Variants in GLIS3 observed in about 807,000 individuals in gnomAD.
GLIS3 encodes the protein GLIS family zinc finger 3, also known as zinc finger protein GLIS3.
Under a neutral mutation model 78.6 loss-of-function variants are expected in GLIS3, and 53 were observed. The observed-to-expected ratio is 0.67, with a 90% confidence interval of 0.54 to 0.85. The LOEUF (loss-of-function observed/expected upper bound fraction) is 0.85, where lower values mean the gene tolerates loss of function less well. Among genes scored for constraint, GLIS3 ranks in the 40% least tolerant of loss-of-function variants. The pLI is 0.00. For synonymous variants in GLIS3, 684 were observed against 509.9 expected (o/e 1.34, Z -4.60); for missense variants, 1,703 against 1,231.1 (o/e 1.38, Z -5.74).
intron 2 of GLIS3, among the ~76,000 whole-genome samples, chr9:4,233,390 T>C (rs10974400): frequency 0.17 from 25,782 of 152,216 alleles, 2,678 homozygotes; most frequent in African/African-American, 0.29. Flanking sequence ...AGGGATGTTG[T>C]GTTACCAATC....
chr9:3,963,130 T>C (rs547971550), intron 4 of GLIS3, among the ~76,000 whole-genome samples: 1 of 152,306 alleles, frequency 6.6e-6, no homozygotes, highest in Admixed American at 6.5e-5. Context: ...GACTGCATGT[T>C]GCCAAGTGCC....
At chr9:4,153,096 A>C (rs760790705) in intron 2 of GLIS3, among the ~76,000 whole-genome samples, 2 of 152,174 alleles carry the variant, frequency 1.3e-5, no homozygotes, top group Non-Finnish European at 2.9e-5. Context: ...TCGTGGTGAC[A>C]ACCAAAATTA....
At chr9:4,470,678 C>T in the GLIS3 span, among the ~76,000 whole-genome samples, 1 of 151,932 alleles carries the variant, frequency 6.6e-6, no homozygotes, top group Non-Finnish European at 1.5e-5. Flanking sequence ...GAAGCATTCC[C>T]TTTGAAAACT....
chr9:4,125,386 A>T (rs1338035687), intron 3 of GLIS3, among the ~76,000 whole-genome samples: 1 of 152,208 alleles, frequency 6.6e-6, no homozygotes, highest in African/African-American at 2.4e-5. Flanking sequence ...ATAGGTGTAC[A>T]TGGACCATGC....
chr9:4,291,663 C>G (rs180738440), intron 1 of GLIS3, among the ~76,000 whole-genome samples: 1 of 152,188 alleles, frequency 6.6e-6, no homozygotes, highest in African/African-American at 2.4e-5. Context: ...CAGGAATTTA[C>G]TCCTCTTAGT....
intron 4 of GLIS3, among the ~76,000 whole-genome samples, chr9:4,042,574 C>G (rs961960397): frequency 6.6e-6 from 1 of 152,146 alleles, no homozygotes; most frequent in African/African-American, 2.4e-5. Flanking sequence ...ATCCACTGTT[C>G]CGAAGATTTC....
Position 4,031,334 on chromosome 9 carries a change from C to G in GLIS3, c.1710+86434G>C, listed in dbSNP as rs1335863673. 2.0e-5 allele frequency among the ~76,000 whole-genome samples: 3 copies of G among 152,304 alleles called. No homozygotes were observed. The East Asian group carries it at 5.8e-4, about 29-fold the overall frequency. On this transcript the variant is annotated intron_variant, in intron 4 of 10. Transcript: ENST00000381971. ...AAAATGAATGAGGCACTGATACATA[C>G]TGCAATGTGGATGAACCTTGAATAC...
chr9:4,012,787 T>TG, intron 4 of GLIS3, among the ~76,000 whole-genome samples: 1 of 146,452 alleles, frequency 6.8e-6, no homozygotes. Context: ...TTTTTTTTTT[T>TG]TTGAGACAGT....
intron 7 of GLIS3, among the ~76,000 whole-genome samples, chr9:3,880,845 G>T (rs1821682352): frequency 6.6e-6 from 1 of 152,078 alleles, no homozygotes; most frequent in Admixed American, 6.5e-5. Flanking sequence ...TACTGACAAG[G>T]GTGTGATCTG....
chr9:4,452,958 A>G, the GLIS3 span, among the ~76,000 whole-genome samples: 97 of 152,336 alleles, frequency 6.4e-4, 1 homozygote, highest in Non-Finnish European at 1.1e-3. Flanking sequence ...CTGGTACCAA[A>G]ACAGAGAGAT....
chr9:4,386,645 T>G, the GLIS3 span: 1 of 152,268 alleles, frequency 6.6e-6, no homozygotes, highest in East Asian at 1.9e-4. Flanking sequence ...CGTTACAGAA[T>G]TTTTGGGAGT....
intron 2 of GLIS3, among the ~76,000 whole-genome samples, chr9:4,269,859 C>G (rs1826348254): frequency 6.6e-6 from 1 of 152,142 alleles, no homozygotes; most frequent in Non-Finnish European, 1.5e-5. Context: ...CTGGTGGGGA[C>G]ACACAACAAG....
intron 2 of GLIS3, among the ~76,000 whole-genome samples, chr9:4,196,828 G>A (rs916257722): frequency 6.6e-6 from 1 of 152,170 alleles, no homozygotes; most frequent in Non-Finnish European, 1.5e-5. Context: ...CACACAATGA[G>A]ATGTGCAACC....
intron 2 of GLIS3, among the ~76,000 whole-genome samples, chr9:4,139,650 TC>T (rs1202278229): frequency 2.6e-5 from 4 of 151,948 alleles, no homozygotes; most frequent in Non-Finnish European, 4.4e-5. Context: ...GTTCGTGGTT[TC>T]ATGGAAAGCA....
At chr9:4,194,762 A>AGG (rs1818654741) in intron 2 of GLIS3, among the ~76,000 whole-genome samples, 1 of 151,880 alleles carries the variant, frequency 6.6e-6, no homozygotes, top group Non-Finnish European at 1.5e-5. Context: ...TTTCCACTGA[A>AGG]GCTCCGGGCA....
At position 4,286,478 on chromosome 9, in the gene GLIS3, C is replaced by A; in HGVS notation, c.-53G>T. 6.2e-7 allele frequency: 1 copy of A among 1,603,988 alleles called. No individual in the cohort carries two copies. On this transcript the variant is annotated 5_prime_UTR_variant, in exon 2 of 11. In the 5' UTR this introduces an upstream ATG that the reference lacks. Coordinates refer to ENST00000381971, the MANE Select transcript of GLIS3 (RefSeq NM_001042413.2). ...AAATATCCAATGTCACTAATGACTCCTTTCAGGCAAAGTCCAATAAGTTAT... is the reference window on the plus strand; with the variant it reads ...AAATATCCAATGTCACTAATGACTCATTTCAGGCAAAGTCCAATAAGTTAT...
At chr9:4,097,033 A>T (rs1008807720) in intron 4 of GLIS3, among the ~76,000 whole-genome samples, 1 of 152,050 alleles carries the variant, frequency 6.6e-6, no homozygotes, top group Non-Finnish European at 1.5e-5. Flanking sequence ...TAAACAAACA[A>T]ACAAAGGTGG....
intron 2 of GLIS3, among the ~76,000 whole-genome samples, chr9:4,235,163 G>T (rs1241850943): frequency 1.3e-5 from 2 of 152,062 alleles, no homozygotes; most frequent in African/African-American, 4.8e-5. Flanking sequence ...GCTGGGCGTG[G>T]TGGCACCTGC....
intron 2 of GLIS3, among the ~76,000 whole-genome samples, chr9:4,327,862 G>A (rs1042245893): frequency 5.9e-5 from 9 of 152,172 alleles, no homozygotes; most frequent in Non-Finnish European, 1.0e-4. Context: ...ATCAGTGACC[G>A]GTGTAGCAGA....
Sources: allele counts gnomAD v4.1 joint callset (sites outside exome capture counted in the v4.1 genomes callset), GRCh38; gene constraint gnomAD v4.1.1; transcripts MANE v1.5; gene names NCBI Gene and HGNC (gene_info 2026-07-23, HGNC 2026-07-21).